The following PTCD2 variants were observed in gnomAD, a reference collection of about 807,000 sequenced individuals.
The protein encoded by PTCD2 is pentatricopeptide repeat domain 2, also known as pentatricopeptide repeat-containing protein 2, mitochondrial.
PTCD2 carries 31 observed loss-of-function variants against 42.6 expected under a neutral mutation model. The observed-to-expected ratio is 0.73, with a 90% CI of 0.55 to 0.98. PTCD2 has a LOEUF of 0.98. Among genes scored for constraint, PTCD2 ranks in the 50% least tolerant of loss-of-function variants. PTCD2 has a pLI of 0.00. For synonymous variants in PTCD2, 183 were observed against 170.9 expected (o/e 1.07, Z -0.55); for missense variants, 476 against 454.8 (o/e 1.05, Z -0.42).
intron 4 of PTCD2, 39 bp downstream of exon 4, chr5:72,331,414 GT>G (rs568764904): frequency 7.2e-7 from 1 of 1,389,394 alleles, no homozygotes; most frequent in South Asian, 1.2e-5. Flanking sequence ...CAATGTGTGT[GT>G]TTTTGGTGAT....
chr5:72,350,521 C>T (rs575977875), intron 8 of PTCD2, among the ~76,000 whole-genome samples: 1 of 152,282 alleles, frequency 6.6e-6, no homozygotes, highest in South Asian at 2.1e-4. Flanking sequence ...CCACAAACAT[C>T]CTTGAAAAGA....
At chr5:72,320,620 C>T (rs946454773) in intron 1 of PTCD2, 111 bp downstream of exon 1, 2 of 1,483,624 alleles carry the variant, frequency 1.3e-6, no homozygotes, top group East Asian at 4.7e-5. Context: ...CACTCACTGG[C>T]CTGGAGCGCA....
At chr5:72,320,637 C>A in intron 1 of PTCD2, 128 bp downstream of exon 1, 2 of 1,357,338 alleles carry the variant, frequency 1.5e-6, no homozygotes, top group Non-Finnish European at 1.0e-6. Flanking sequence ...CGCACCCTCG[C>A]CCTCTAGTTG....
chr5:72,340,998 T>C (rs1403124632), intron 7 of PTCD2, among the ~76,000 whole-genome samples: 2 of 149,586 alleles, frequency 1.3e-5, no homozygotes, highest in Non-Finnish European at 3.0e-5. Flanking sequence ...AGAGTCTCAC[T>C]CTGTCTCCCA....
chr5:72,327,212 T>C (rs938940149), intron 3 of PTCD2, among the ~76,000 whole-genome samples: 1 of 152,222 alleles, frequency 6.6e-6, no homozygotes, highest in Admixed American at 6.5e-5. Context: ...TCTATCTCCG[T>C]TAGCAGTGTC....
chr5:72,320,490 C>T lies in PTCD2; in HGVS notation c.108C>T (p.Ser36=). The change falls in exon 1 of 10, where the codon AGC becomes AGT. Residue 36 remains serine (S), a synonymous_variant. Transcript: ENST00000380639. ...YPGVGGSGSV[S]CRCPLGAKRY... ...GGGTGGGAGGCTCCGGCTCTGTCAGCTGCCGCTGCCCTCTCGGAGGTATCC... is the reference window on the plus strand; with the variant it reads ...GGGTGGGAGGCTCCGGCTCTGTCAGTTGCCGCTGCCCTCTCGGAGGTATCC... 2 of 1,614,072 alleles carry T rather than the reference C, an allele frequency of 1.2e-6. No homozygotes were observed. The highest frequency in any genetic ancestry group is 1.7e-6 in the Non-Finnish European group (2 of 1,180,030).
At chr5:72,356,255 AT>A (rs1752868807) in intron 9 of PTCD2, among the ~76,000 whole-genome samples, 4 of 152,318 alleles carry the variant, frequency 2.6e-5, no homozygotes, top group Admixed American at 2.6e-4. Flanking sequence ...TGAACCATCA[AT>A]ACATTGTCAC....
rs1752681512 is a variant in PTCD2, at chr5:72,352,726, T to C, written c.914T>C (p.Val305Ala). The C allele has an allele frequency of 6.3e-7, 1 of 1,593,790 alleles. No individual in the cohort carries two copies. Among genetic ancestry groups the C allele is most frequent in the Non-Finnish European group, 8.6e-7 (1 of 1,161,900 alleles). ...NAAEGNLSKFVKRHVFSEEVL... is the reference protein window; with the variant it reads ...NAAEGNLSKFAKRHVFSEEVL... The stretch of plus-strand genomic sequence containing the variant: ...GCAGAAGGAAATTTATCAAAATTTG[T>C]GAAAAGACATGTGTTCTCGGAGGAA... The change falls in exon 9 of 10, where the codon GTG becomes GCG. Residue 305 changes from valine to alanine, a missense_variant. Transcript: ENST00000380639.
chr5:72,346,747 T>TGA (rs1752379484), intron 8 of PTCD2, among the ~76,000 whole-genome samples: 2 of 152,190 alleles, frequency 1.3e-5, no homozygotes. Flanking sequence ...TAATTGCTTC[T>TGA]GAGAGAGAGA....
At chr5:72,334,238 CT>C (rs982428737) in intron 4 of PTCD2, among the ~76,000 whole-genome samples, 14 of 152,300 alleles carry the variant, frequency 9.2e-5, no homozygotes, top group Admixed American at 3.9e-4. Flanking sequence ...TTGAGAACCA[CT>C]GTTTTGGAGA....
rs1451170276 is a variant in PTCD2 at position 72,359,755 on chromosome 5, T to A, written c.*1328T>A. The A allele has an allele frequency of 6.6e-6, 1 of 152,108 alleles. No individual in the cohort carries two copies. The highest frequency in any genetic ancestry group is 1.9e-4 in the East Asian group (1 of 5,188). The allele number at this position is 152,108 out of a possible 1,614,324, so 9.4% of individuals were successfully genotyped here. A position where few individuals can be genotyped will look rare whatever the true frequency, so the allele number is the denominator to read the frequency against. On this transcript the variant is annotated 3_prime_UTR_variant, in exon 10 of 10. Transcript: ENST00000380639. Reference sequence around the variant, plus strand: ...TCCGCATATGAGAGTCGCACATTGGTATAATTGATTTGTGGTAGAGCTGAG... The same window carrying A: ...TCCGCATATGAGAGTCGCACATTGGAATAATTGATTTGTGGTAGAGCTGAG...
chr5:72,333,827 T>A (rs1446597020), intron 4 of PTCD2, among the ~76,000 whole-genome samples: 14 of 152,212 alleles, frequency 9.2e-5, no homozygotes, highest in African/African-American at 3.4e-4. Context: ...TTCTGTAATA[T>A]ATACATATTT....
intron 4 of PTCD2, 151 bp downstream of exon 4, chr5:72,331,526 C>T: frequency 4.5e-6 from 3 of 673,364 alleles, no homozygotes; most frequent in Non-Finnish European, 8.1e-6. Context: ...TTTAAGTTTC[C>T]TTGCAGTCAG....
intron 8 of PTCD2, among the ~76,000 whole-genome samples, chr5:72,352,170 A>G (rs1752654539): frequency 6.6e-6 from 1 of 151,988 alleles, no homozygotes; most frequent in Non-Finnish European, 1.5e-5. Flanking sequence ...TTTTTTTGAG[A>G]TGGAGTCTTG....
At chr5:72,331,010 G>A (rs1024958942) in intron 3 of PTCD2, among the ~76,000 whole-genome samples, 4 of 152,234 alleles carry the variant, frequency 2.6e-5, no homozygotes, top group African/African-American at 7.2e-5. Context: ...TACAACATAC[G>A]TTTTTCCTCT....
At chr5:72,342,091 A>C (rs1752097112) in intron 7 of PTCD2, among the ~76,000 whole-genome samples, 1 of 152,016 alleles carries the variant, frequency 6.6e-6, no homozygotes, top group African/African-American at 2.4e-5. Context: ...ATAAAAATTC[A>C]AAAATAAAAG....
At chr5:72,355,327 C>T (rs1752820540) in intron 9 of PTCD2, among the ~76,000 whole-genome samples, 1 of 152,018 alleles carries the variant, frequency 6.6e-6, no homozygotes, top group Non-Finnish European at 1.5e-5. Flanking sequence ...CTGAATCTTT[C>T]TACAGTATAC....
chr5:72,351,358 C>T (rs775449556), intron 8 of PTCD2, among the ~76,000 whole-genome samples: 6 of 152,116 alleles, frequency 3.9e-5, no homozygotes, highest in African/African-American at 7.2e-5. Context: ...TAATAGATAG[C>T]GTAAATAGGA....
intron 9 of PTCD2, among the ~76,000 whole-genome samples, chr5:72,354,478 A>T (rs1752780349): frequency 6.6e-6 from 1 of 151,990 alleles, no homozygotes; most frequent in Non-Finnish European, 1.5e-5. Context: ...TGTGGACAGA[A>T]TTTACTAAAA....
Sources: gnomAD v4.1 joint callset for allele counts (sites outside exome capture counted in the v4.1 genomes callset) on GRCh38, gnomAD v4.1.1 for gene constraint, MANE v1.5 for transcripts, NCBI Gene and HGNC (gene_info 2026-07-23, HGNC 2026-07-21) for gene names.